FOXP2: variants seen among roughly 807,000 people sequenced by gnomAD.
The protein encoded by FOXP2 is forkhead box P2.
Under a neutral mutation model 115.8 loss-of-function variants are expected in FOXP2, and 12 were observed. That is an observed-to-expected ratio of 0.10 (90% confidence interval 0.07 to 0.17). FOXP2 has a LOEUF of 0.17. FOXP2 is among the 10% of genes least tolerant of loss of function. The probability of loss-of-function intolerance (pLI) is 1.00; values close to 1 mark genes in which losing one functional copy is unlikely to be tolerated. For missense variants in FOXP2, 629 were observed against 843.5 expected, an observed-to-expected ratio of 0.75 and a Z score of 3.15; for synonymous variants, 328 against 297.7, an observed-to-expected ratio of 1.10 and a Z score of -1.05.
intron 3 of FOXP2, among the ~76,000 whole-genome samples, chr7:114,586,513 A>G (rs1563017008): frequency 6.6e-6 from 1 of 152,130 alleles, no homozygotes; most frequent in African/African-American, 2.4e-5. Context: ...TGCATTGAAT[A>G]TGCAAATAGA....
chr7:114,243,262 G>GAAAAAAAAAAA (rs61609626), intron 1 of FOXP2, among the ~76,000 whole-genome samples: 1 of 107,070 alleles, frequency 9.3e-6, no homozygotes. Context: ...CCATGAGCCA[G>GAAAAAAAAAAA]AAAAAAAAAA....
intron 1 of FOXP2, among the ~76,000 whole-genome samples, chr7:114,265,457 C>A (rs1471683438): frequency 6.6e-6 from 1 of 152,186 alleles, no homozygotes; most frequent in African/African-American, 2.4e-5. Flanking sequence ...TCCCCTGTGA[C>A]ATTGTAGGGG....
chr7:114,565,294 T>C lies in FOXP2; in HGVS notation c.258+30588T>C, dbSNP rs533455111. On this transcript the variant is annotated intron_variant, in intron 3 of 16. Coordinates refer to ENST00000350908, the MANE Select transcript of FOXP2 (RefSeq NM_014491.4). ...GGGACCATTTTCATTCACCTTTTTA[T>C]ATCCACATGGCTAATATAGTTTATA... Among the ~76,000 whole-genome samples the C allele has an allele frequency of 9.8e-5, 15 of 152,310 alleles. No individual in the cohort carries two copies. In the South Asian group the frequency reaches 2.7e-3, roughly 27 times the overall value.
chr7:114,519,037 A>G (rs534952935), intron 2 of FOXP2, among the ~76,000 whole-genome samples: 7 of 152,194 alleles, frequency 4.6e-5, no homozygotes, highest in African/African-American at 1.7e-4. Context: ...TATTTATTTC[A>G]CAGAATGTTA....
At chr7:114,398,660 G>A (rs972993091) in intron 2 of FOXP2, among the ~76,000 whole-genome samples, 11 of 152,210 alleles carry the variant, frequency 7.2e-5, no homozygotes, top group African/African-American at 2.2e-4. Flanking sequence ...AGTGAGATGA[G>A]CACTTGTGTG....
At chr7:114,207,523 A>C (rs1794229885) in intron 1 of FOXP2, among the ~76,000 whole-genome samples, 1 of 152,230 alleles carries the variant, frequency 6.6e-6, no homozygotes, top group Non-Finnish European at 1.5e-5. Flanking sequence ...AGAACATAAA[A>C]AGATATAAGG....
chr7:114,245,765 G>A (rs1041743936), intron 1 of FOXP2, among the ~76,000 whole-genome samples: 1 of 150,586 alleles, frequency 6.6e-6, no homozygotes, highest in Admixed American at 6.6e-5. Context: ...GTTTGTGAAT[G>A]TTTGTGCACT....
At chr7:114,437,653 A>C (rs868673259) in intron 2 of FOXP2, among the ~76,000 whole-genome samples, 2 of 152,184 alleles carry the variant, frequency 1.3e-5, no homozygotes, top group East Asian at 1.9e-4. Flanking sequence ...ATTTTTACTA[A>C]TAATAAAAGG....
chr7:114,387,409 T>G (rs954989113), intron 2 of FOXP2, among the ~76,000 whole-genome samples: 1 of 152,204 alleles, frequency 6.6e-6, no homozygotes, highest in Admixed American at 6.5e-5. Context: ...AGTTCAGGAC[T>G]AGAATACATG....
At chr7:114,294,251 T>C (rs907004451) in intron 2 of FOXP2, among the ~76,000 whole-genome samples, 12 of 152,212 alleles carry the variant, frequency 7.9e-5, no homozygotes, top group Admixed American at 2.0e-4. Context: ...GTCTGCATGC[T>C]GGTCTGATAC....
At chr7:114,210,144 T>C (rs1302224334) in intron 1 of FOXP2, among the ~76,000 whole-genome samples, 1 of 152,230 alleles carries the variant, frequency 6.6e-6, no homozygotes, top group Non-Finnish European at 1.5e-5. Context: ...TTCATCCATC[T>C]TAGCCTTAGC....
rs187354112 is a variant in FOXP2, at chr7:114,549,209, T to A, written c.258+14503T>A. On this transcript the variant is annotated intron_variant, in intron 3 of 16. Coordinates refer to ENST00000350908, the MANE Select transcript of FOXP2 (RefSeq NM_014491.4). ...TTGCCCCAGTGATCATTCATTTTGT[T>A]CCCACATAAACCCCAGAATTGATTG... Among the ~76,000 whole-genome samples the A allele has an allele frequency of 2.0e-5, 3 of 152,306 alleles. No individual in the cohort carries two copies. In the East Asian group the frequency reaches 5.8e-4, roughly 29 times the overall value.
chr7:114,349,573 G>C (rs1215202051), intron 2 of FOXP2, among the ~76,000 whole-genome samples: 2 of 151,938 alleles, frequency 1.3e-5, no homozygotes, highest in Non-Finnish European at 2.9e-5. Context: ...TCCTAAAACT[G>C]TTTCTAAGGT....
intron 2 of FOXP2, among the ~76,000 whole-genome samples, chr7:114,485,311 C>G (rs767965521): frequency 1.3e-4 from 20 of 151,836 alleles, no homozygotes; most frequent in Non-Finnish European, 2.9e-4. Context: ...AAGCATAAAA[C>G]TTCATATTGC....
chr7:114,394,601 A>G (rs1362654286), intron 2 of FOXP2, among the ~76,000 whole-genome samples: 1 of 152,210 alleles, frequency 6.6e-6, no homozygotes, highest in Non-Finnish European at 1.5e-5. Context: ...TGAACATTAT[A>G]AGAGATACCC....
intron 16 of FOXP2, among the ~76,000 whole-genome samples, chr7:114,677,180 A>AAAAAAAAAAAAAAC (rs1554443474): frequency 2.0e-5 from 3 of 148,016 alleles, no homozygotes; most frequent in Non-Finnish European, 3.0e-5. Context: ...AACAAAAAAA[A>AAAAAAAAAAAAAAC]AAAAAACAAA....
intron 3 of FOXP2, among the ~76,000 whole-genome samples, chr7:114,619,615 A>G (rs1804132313): frequency 6.6e-6 from 1 of 152,090 alleles, no homozygotes; most frequent in African/African-American, 2.4e-5. Context: ...TTAGGCCATT[A>G]TGGTTTAAAA....
intron 8 of FOXP2, among the ~76,000 whole-genome samples, chr7:114,650,095 G>A (rs1288487893): frequency 1.3e-5 from 2 of 152,104 alleles, no homozygotes; most frequent in African/African-American, 4.8e-5. Context: ...GTAGTCTACA[G>A]TCTCTATTCT....
chr7:114,554,572 A>C (rs1247020236), intron 3 of FOXP2, among the ~76,000 whole-genome samples: 1 of 152,082 alleles, frequency 6.6e-6, no homozygotes, highest in Non-Finnish European at 1.5e-5. Flanking sequence ...TATAATCATT[A>C]TGATTTTTTG....
Sources: gnomAD v4.1 joint callset for allele counts (sites outside exome capture counted in the v4.1 genomes callset) on GRCh38, gnomAD v4.1.1 for gene constraint, MANE v1.5 for transcripts, NCBI Gene and HGNC (gene_info 2026-07-23, HGNC 2026-07-21) for gene names.